The following ABCA13 variants were observed in gnomAD, a reference collection of about 807,000 sequenced individuals.
ABCA13 encodes the protein ATP-binding cassette sub-family A member 13.
In ABCA13, 476 loss-of-function variants were observed where a neutral mutation model predicts 478.7. The observed-to-expected ratio is 0.99, with a 90% CI of 0.92 to 1.07. The LOEUF is 1.07. ABCA13 is among the 50% of genes least tolerant of loss of function. The pLI is 0.00. For missense variants in ABCA13, 6,060 were observed against 5,910.6 expected (o/e 1.03, Z -0.83); for synonymous variants, 2,252 against 2,158.9 (o/e 1.04, Z -1.20).
chr7:48,466,601 A>G (rs34002712), intron 43 of ABCA13, among the ~76,000 whole-genome samples: 24,129 of 152,250 alleles, frequency 0.16, 2,441 homozygotes, highest in East Asian at 0.23. Flanking sequence ...ATATATTAAC[A>G]CAATATGATA....
Position 48,278,305 on chromosome 7 carries a change from A to G in ABCA13, c.7111A>G (p.Arg2371Gly). ...GCAAGATTTATTTAATGCCCTTCTC[A>G]GGGAAACTTCAATGAAAAATAAGAC... ...FMQDLFNALL[R>G]ETSMKNKTEN... Residue 2371 changes from arginine (R) to glycine (G), a missense_variant, in exon 18 of 62, where the codon AGG becomes GGG. Transcript: ENST00000435803. The G allele has an allele frequency of 6.2e-7, 1 of 1,612,682 alleles. No individual in the cohort carries two copies. Among genetic ancestry groups the G allele is most frequent in the Non-Finnish European group, 8.5e-7 (1 of 1,179,108 alleles).
chr7:48,410,437 A>C lies in ABCA13; in HGVS notation c.12071-83A>C, dbSNP rs1818854193. Reference sequence around the variant, plus strand: ...TGAGGATCTTTAAATTGTGCCCTGGATCTACCATCCTGAGGAAAGGAGGGA... The same window carrying C: ...TGAGGATCTTTAAATTGTGCCCTGGCTCTACCATCCTGAGGAAAGGAGGGA... On this transcript the variant is annotated intron_variant, in intron 39 of 61. Coordinates refer to ENST00000435803, the MANE Select transcript of ABCA13 (RefSeq NM_152701.5). 4 of 1,531,964 alleles carry C rather than the reference A, an allele frequency of 2.6e-6. No homozygotes were observed. The Admixed American group carries it at 6.8e-5, about 26-fold the overall frequency. The allele number at this position is 1,531,964 out of a possible 1,614,324, so 94.9% of individuals were successfully genotyped here.
chr7:48,193,116 C>T (rs1584076751), intron 2 of ABCA13, 64 bp downstream of exon 2: 1 of 1,198,152 alleles, frequency 8.3e-7, no homozygotes, highest in East Asian at 2.6e-5. Flanking sequence ...TCATAGCACT[C>T]TTTCTTGTTT....
intron 43 of ABCA13, among the ~76,000 whole-genome samples, chr7:48,466,058 T>G (rs1224701139): frequency 6.6e-6 from 1 of 152,200 alleles, no homozygotes; most frequent in Admixed American, 6.5e-5. Flanking sequence ...AAAAAGTATT[T>G]TATAAATAAT....
At chr7:48,293,167 T>A (rs1213103394) in intron 20 of ABCA13, among the ~76,000 whole-genome samples, 1 of 147,736 alleles carries the variant, frequency 6.8e-6, no homozygotes, top group East Asian at 2.1e-4. Context: ...TGGATTAACG[T>A]TCATCATTTC....
chr7:48,188,875 T>C (rs1584047155), intron 1 of ABCA13, among the ~76,000 whole-genome samples: 1 of 152,190 alleles, frequency 6.6e-6, no homozygotes, highest in East Asian at 1.9e-4. Flanking sequence ...GATCTGGGCA[T>C]CCACGAAATT....
chr7:48,310,453 G>A (rs531120413), intron 24 of ABCA13, among the ~76,000 whole-genome samples: 7 of 152,252 alleles, frequency 4.6e-5, no homozygotes, highest in African/African-American at 1.2e-4. Flanking sequence ...ACACAGCACC[G>A]CTTCCTAATG....
chr7:48,350,741 C>T lies in ABCA13; in HGVS notation c.10303C>T (p.Arg3435Cys), dbSNP rs752603671. Residue 3435 changes from arginine to cysteine, a missense_variant, in exon 30 of 62, where the codon CGT becomes TGT. Around this residue, in one of 3 missense-constraint regions of ABCA13, gnomAD observed 4,423 missense variants for 4,309.1 expected, o/e 1.03. Transcript: ENST00000435803. ...VNLSSCVALN[R>C]FQALQSVDIL... ...TCTCTCTTCCTGCGTGGCACTGAAC[C>T]GTTTCCAGGCTCTGCAGTCTGTCGA... The T allele has an allele frequency of 8.1e-6, 13 of 1,613,790 alleles. No homozygotes were observed. The highest frequency in any genetic ancestry group is 1.6e-4 in the Middle Eastern group (1 of 6,082).
At position 48,350,800 on chromosome 7, in the gene ABCA13, G is replaced by A. The variant is rs1321506660; in HGVS notation, c.10362G>A (p.Gln3454=). ...AGACTAAAGCACATGAACTCTTGCA[G>A]CAGAACAGCTTCTTGGCCAGTAAGT... is the stretch of plus-strand genomic sequence containing the variant. ...ILETKAHELL[Q]QNSFLASIIF... The change falls in exon 30 of 62, where the codon CAG becomes CAA. Residue 3454 remains glutamine (Q), a synonymous_variant. Transcript: ENST00000435803. 1 of 1,613,682 alleles carries A rather than the reference G, an allele frequency of 6.2e-7. No individual in the cohort carries two copies. The highest frequency in any genetic ancestry group is 1.1e-5 in the South Asian group (1 of 91,060).
chr7:48,373,722 G>A (rs1045477755), intron 33 of ABCA13, among the ~76,000 whole-genome samples: 1 of 152,146 alleles, frequency 6.6e-6, no homozygotes, highest in African/African-American at 2.4e-5. Context: ...TTCAGATGGT[G>A]TTATTTTTAA....
At chr7:48,456,022 C>T (rs1455728432) in intron 43 of ABCA13, among the ~76,000 whole-genome samples, 1 of 152,212 alleles carries the variant, frequency 6.6e-6, no homozygotes, top group Non-Finnish European at 1.5e-5. Flanking sequence ...TTGCCGGGCA[C>T]GGCCATGGCT....
intron 48 of ABCA13, among the ~76,000 whole-genome samples, chr7:48,502,072 T>C (rs769448737): frequency 6.6e-6 from 1 of 152,228 alleles, no homozygotes; most frequent in Non-Finnish European, 1.5e-5. Flanking sequence ...GAAAGCTGAC[T>C]TACAAAGAAC....
chr7:48,411,849 C>T (rs1006508993), intron 40 of ABCA13, among the ~76,000 whole-genome samples: 14 of 152,114 alleles, frequency 9.2e-5, no homozygotes, highest in Non-Finnish European at 4.4e-5. Flanking sequence ...CCCTTGGTGG[C>T]CCACGAAAAG....
chr7:48,340,484 AC>A (rs754259728), intron 29 of ABCA13, among the ~76,000 whole-genome samples: 5 of 152,252 alleles, frequency 3.3e-5, no homozygotes, highest in Non-Finnish European at 7.3e-5. Flanking sequence ...ATTAGAAAAT[AC>A]AAATAAGCCA....
chr7:48,510,607 C>T (rs895231491), intron 50 of ABCA13, among the ~76,000 whole-genome samples: 1 of 152,150 alleles, frequency 6.6e-6, no homozygotes, highest in Non-Finnish European at 1.5e-5. Flanking sequence ...TAGCTTCACC[C>T]CGGAAACTTG....
rs116666481 is a variant in ABCA13, at chr7:48,424,103, C to G, written c.12460-3663C>G. ...ATACTAAATGCACAAACGCAGCATT[C>G]TTCTTAAATTGGAAAGTGTAGCCAG... On this transcript the variant is annotated intron_variant, in intron 41 of 61. Transcript: ENST00000435803. 9.3e-3 allele frequency among the ~76,000 whole-genome samples: 1,410 copies of G among 152,284 alleles called. 9 individuals are homozygous for G. Among genetic ancestry groups the G allele is most frequent in the African/African-American group, 0.032 (1,334 of 41,568 alleles).
intron 15 of ABCA13, among the ~76,000 whole-genome samples, chr7:48,266,516 A>C (rs937637959): frequency 6.6e-6 from 1 of 151,758 alleles, no homozygotes; most frequent in Non-Finnish European, 1.5e-5. Context: ...TTCTATTATT[A>C]ACTTCTTAAT....
chr7:48,361,374 G>A lies in ABCA13; in HGVS notation c.10689-6420G>A, dbSNP rs73323791. On this transcript the variant is annotated intron_variant, in intron 31 of 61. Transcript: ENST00000435803. ...ACTCATCCTCCTTCATTCCTCTCTC[G>A]GTGTGGTTACTCCTCTTTTAACATG... Among the ~76,000 whole-genome samples, 139 of 150,850 alleles carry A rather than the reference G, an allele frequency of 9.2e-4. 3 individuals carry two copies. The highest frequency in any genetic ancestry group is 2.5e-3 in the African/African-American group (103 of 40,858).
At chr7:48,594,285 C>A (rs1790059538) in intron 57 of ABCA13, among the ~76,000 whole-genome samples, 1 of 152,048 alleles carries the variant, frequency 6.6e-6, no homozygotes, top group Non-Finnish European at 1.5e-5. Flanking sequence ...TTTTCCTTGA[C>A]TGGATAATTT....
Sources: gnomAD v4.1 joint callset for allele counts (sites outside exome capture counted in the v4.1 genomes callset) on GRCh38, gnomAD v4.1.1 for gene constraint, gnomAD v4.1.1 regional missense constraint, MANE v1.5 for transcripts, NCBI Gene and HGNC (gene_info 2026-07-23, HGNC 2026-07-21) for gene names.